Variants in MTERF4 observed in about 807,000 individuals in gnomAD.
MTERF4 encodes the protein transcription termination factor 4, mitochondrial.
Under a neutral mutation model 22.5 loss-of-function variants are expected in MTERF4, and 17 were observed. The ratio of observed to expected loss-of-function variants is 0.75; its 90% confidence interval spans 0.52 to 1.13. The LOEUF is 1.13. Among genes scored for constraint, MTERF4 ranks in the 50% most tolerant of loss-of-function variants. The probability of loss-of-function intolerance (pLI) is 0.00; values close to 1 mark genes in which losing one functional copy is unlikely to be tolerated. For synonymous variants in MTERF4, 165 were observed against 175.3 expected (o/e 0.94, Z 0.47); for missense variants, 420 against 466.8 (o/e 0.90, Z 0.92).
downstream of MTERF4, among the ~76,000 whole-genome samples, chr2:241,082,618 C>T (rs1200785929): frequency 1.3e-5 from 2 of 152,190 alleles, no homozygotes; most frequent in Non-Finnish European, 2.9e-5. Flanking sequence ...TCCCCAGGCC[C>T]CCAGGCCTTC....
chr2:241,044,511 G>A, the MTERF4 span, among the ~76,000 whole-genome samples: 61 of 152,290 alleles, frequency 4.0e-4, no homozygotes, highest in South Asian at 8.9e-3. Flanking sequence ...ACCAAGCTTC[G>A]AAGTACCACC....
the MTERF4 span, chr2:241,065,376 G>A: frequency 1.2e-6 from 2 of 1,613,122 alleles, no homozygotes; most frequent in South Asian, 2.2e-5. Flanking sequence ...CCCGCCCAAT[G>A]GTCCAGCCGC....
chr2:241,050,640 C>T, the MTERF4 span, among the ~76,000 whole-genome samples: 1 of 152,348 alleles, frequency 6.6e-6, no homozygotes, highest in East Asian at 1.9e-4. Flanking sequence ...CCAACCACTG[C>T]AGCAGAGGTA....
chr2:241,063,954 C>G, the MTERF4 span: 1 of 1,278,714 alleles, frequency 7.8e-7, no homozygotes, highest in Non-Finnish European at 1.1e-6. Context: ...GCTGTCCTCT[C>G]CTCCCTCCCC....
At chr2:241,064,800 C>A in the MTERF4 span, 2 of 1,404,504 alleles carry the variant, frequency 1.4e-6, no homozygotes, top group Non-Finnish European at 1.9e-6. The surrounding 1 kb of genome is among the most constrained non-coding windows in gnomAD (Gnocchi z 7.0). Flanking sequence ...AGCAGGGACC[C>A]CTGGCCACGC....
Position 241,073,503 on chromosome 2 carries a change from C to T in MTERF4, n.2659G>A. 8.3e-6 allele frequency: 6 copies of T among 726,628 alleles called. 1 individual carries two copies. The South Asian group carries it at 9.6e-5, about 12-fold the overall frequency. 45.0% of individuals were successfully genotyped at this position (726,628 alleles called of 1,614,324 possible). On this transcript the variant is annotated non_coding_transcript_exon_variant, in exon 5 of 5. Transcript: ENST00000464344. The surrounding 1 kb of genome is among the most constrained non-coding windows in gnomAD (Gnocchi z 6.6). The stretch of plus-strand genomic sequence containing the variant: ...ACCTGAGGGGAGGCTGAGCACCAGG[C>T]ACCCCGGTGTGGGAAGATGGGGTGA...
chr2:241,050,915 C>G, the MTERF4 span, among the ~76,000 whole-genome samples: 1 of 152,228 alleles, frequency 6.6e-6, no homozygotes, highest in Non-Finnish European at 1.5e-5. Flanking sequence ...CTGTGCCCGC[C>G]CCAGGAACTG....
At chr2:241,063,549 T>G in the MTERF4 span, 3 of 1,437,982 alleles carry the variant, frequency 2.1e-6, no homozygotes, top group Non-Finnish European at 2.9e-6. Context: ...GCCTCAGACT[T>G]GAGCCAGCAA....
chr2:241,096,289 G>A lies in MTERF4; in HGVS notation c.855C>T (p.Ile285=), dbSNP rs1218598667. 6.2e-7 allele frequency: 1 copy of A among 1,614,180 alleles called. No homozygotes were observed. Among genetic ancestry groups the A allele is most frequent in the South Asian group, 1.1e-5 (1 of 91,084 alleles). The change falls in exon 4 of 4, where the codon ATC becomes ATT. Residue 285 remains isoleucine, a synonymous_variant. Coordinates refer to ENST00000391980, the MANE Select transcript of MTERF4 (RefSeq NM_182501.4). This position sits in a 1 kb window ranked among gnomAD's most constrained non-coding sequence, Gnocchi z 5.1. ...GAATGTCCTTGAGCAATGGGTTAGG[G>A]ATCTGTGTCTGCCCCTTCTTATCAG... The part of the protein sequence containing the change: ...QTPDKKGQTQ[I]PNPLLKDILR...
Position 241,099,867 on chromosome 2 carries a change from G to A in MTERF4, c.49C>T (p.Leu17Phe). The A allele has an allele frequency of 6.2e-7, 1 of 1,613,402 alleles. No homozygotes were observed. Among genetic ancestry groups the A allele is most frequent in the Non-Finnish European group, 8.5e-7 (1 of 1,180,026 alleles). Residue 17 changes from leucine to phenylalanine, a missense_variant, in exon 2 of 4, where the codon CTC (leucine) becomes TTC (phenylalanine). Leu to Phe is a conservative substitution (Grantham distance 22). Coordinates refer to ENST00000391980, the MANE Select transcript of MTERF4 (RefSeq NM_182501.4). ...QVLDWHRLIP[L>F]TWACMARQTP... is the part of the protein sequence containing the mutation. ...TGCCTAGCCATACAGGCCCAGGTGAGGGGGATCAGGCGGTGCCAATCAAGG... is the reference window on the plus strand; with the variant it reads ...TGCCTAGCCATACAGGCCCAGGTGAAGGGGATCAGGCGGTGCCAATCAAGG...
chr2:241,062,954 A>G, the MTERF4 span: 1 of 1,246,942 alleles, frequency 8.0e-7, no homozygotes, highest in South Asian at 1.4e-5. Context: ...CACACTGGCC[A>G]TGTGCCTGAG....
downstream of MTERF4, chr2:241,088,066 C>T (rs970527163): frequency 4.3e-6 from 2 of 460,444 alleles, no homozygotes; most frequent in African/African-American, 2.0e-5. Context: ...TGCACGTCAC[C>T]GGCTCTTCCC....
chr2:241,094,479 T>C (rs1247189063), downstream of MTERF4: 4 of 462,478 alleles, frequency 8.6e-6, no homozygotes, highest in South Asian at 3.2e-5. The surrounding 1 kb of genome is among the most constrained non-coding windows in gnomAD (Gnocchi z 4.3). Context: ...ATCCCCACAA[T>C]TGCATGCAGC....
the MTERF4 span, among the ~76,000 whole-genome samples, chr2:241,058,200 G>T: frequency 2.6e-3 from 398 of 152,198 alleles, 4 homozygotes; most frequent in African/African-American, 9.1e-3. Context: ...GAATGAGAGG[G>T]TGTCTCTCAA....
At position 241,099,519 on chromosome 2, in the gene MTERF4, G is replaced by C; in HGVS notation, c.397C>G (p.Leu133Val). The C allele has an allele frequency of 6.2e-7, 1 of 1,614,166 alleles. No homozygotes were observed. Among genetic ancestry groups the C allele is most frequent in the Non-Finnish European group, 8.5e-7 (1 of 1,180,040 alleles). ...ACAGGCTCTGGATTCAGACCCAAGA[G>C]AATAAATTCTGAAATGATGTCCAGC... ...QLLDIISEFI[L>V]LGLNPEPVCV... is the part of the protein sequence containing the mutation. The change falls in exon 2 of 4, where the codon CTC becomes GTC. Residue 133 changes from leucine (L) to valine (V), a missense_variant. Transcript: ENST00000391980.
downstream of MTERF4, chr2:241,088,161 C>G (rs1031710363): frequency 1.8e-6 from 1 of 570,040 alleles, no homozygotes; most frequent in African/African-American, 1.9e-5. Flanking sequence ...CTTGTCATTC[C>G]TAAACTACTG....
In MTERF4 at chr2:241,096,282, G is replaced by A. The variant is rs761929796; in HGVS notation, c.862C>T (p.Pro288Ser). 1.6e-5 allele frequency: 26 copies of A among 1,614,192 alleles called. No individual in the cohort carries two copies. In the South Asian group the frequency reaches 2.6e-4, roughly 16 times the overall value. ...ACTCTGAGAATGTCCTTGAGCAATG[G>A]GTTAGGGATCTGTGTCTGCCCCTTC... ...DKKGQTQIPNPLLKDILRVSE... is the reference protein window; with the variant it reads ...DKKGQTQIPNSLLKDILRVSE... Residue 288 changes from proline (P) to serine (S), a missense_variant, in exon 4 of 4, where the codon CCA becomes TCA. By Grantham distance (74) the Pro-to-Ser change is moderately conservative. Transcript: ENST00000391980. This position sits in a 1 kb window ranked among gnomAD's most constrained non-coding sequence, Gnocchi z 5.1.
rs562721473 is a variant in MTERF4 at position 241,096,076 on chromosome 2, ATT to A, written c.1066_1067del (p.Asn356Ter). 1,268 of 1,604,728 alleles carry A rather than the reference ATT, an allele frequency of 7.9e-4. 21 individuals are homozygous for A. In the South Asian group the frequency reaches 0.012, roughly 15 times the overall value. Reference sequence around the variant, plus strand: ...CGTCCTCATCATCGTCATCCTCATCATTGTCATCCTCATCATTGTCCTCCTCA... The same window carrying A: ...CGTCCTCATCATCGTCATCCTCATCAGTCATCCTCATCATTGTCCTCCTCA... ...DDEEDNDEDD[N>X]DEDDDDEDDD... On this transcript the variant is annotated frameshift_variant, in exon 4 of 4. Transcript: ENST00000391980. LOFTEE classifies it high-confidence loss of function. The surrounding 1 kb of genome is among the most constrained non-coding windows in gnomAD (Gnocchi z 5.1).
At chr2:241,064,909 C>A in the MTERF4 span, 1 of 1,584,610 alleles carries the variant, frequency 6.3e-7, no homozygotes, top group East Asian at 2.3e-5. The surrounding 1 kb of genome is among the most constrained non-coding windows in gnomAD (Gnocchi z 7.0). Flanking sequence ...CAACGGCTCC[C>A]ACAGCTGCAC....
Sources: gnomAD v4.1 joint callset for allele counts (sites outside exome capture counted in the v4.1 genomes callset) on GRCh38, gnomAD v4.1.1 for gene constraint, Gnocchi (gnomAD v3.1) non-coding constraint, MANE v1.5 for transcripts, NCBI Gene and HGNC (gene_info 2026-07-23, HGNC 2026-07-21) for gene names.